The following TMTC1 variants were observed in gnomAD, a reference collection of about 807,000 sequenced individuals.
TMTC1 encodes the protein protein O-mannosyl-transferase TMTC1.
In TMTC1, 73 loss-of-function variants were observed where a neutral mutation model predicts 104.8. The observed-to-expected ratio is 0.70, with a 90% confidence interval of 0.58 to 0.85. The LOEUF is 0.85. Among genes scored for constraint, TMTC1 ranks in the 40% least tolerant of loss-of-function variants. TMTC1 has a pLI of 0.00. For missense variants in TMTC1, 1,035 were observed against 1,096.1 expected (o/e 0.94, Z 0.79); for synonymous variants, 434 against 428.7 (o/e 1.01, Z -0.15).
At chr12:29,711,423 T>C (rs962499362) in intron 5 of TMTC1, among the ~76,000 whole-genome samples, 1 of 152,212 alleles carries the variant, frequency 6.6e-6, no homozygotes, top group Admixed American at 6.5e-5. Flanking sequence ...TTTGCTTTCC[T>C]TTCCTCTTAG....
intron 7 of TMTC1, among the ~76,000 whole-genome samples, chr12:29,585,104 G>T (rs1184185714): frequency 6.7e-6 from 1 of 149,876 alleles, no homozygotes; most frequent in African/African-American, 2.5e-5. Flanking sequence ...AGCACCTGTT[G>T]TTTCCTGACT....
At chr12:29,552,799 T>A (rs1469811114) in intron 10 of TMTC1, among the ~76,000 whole-genome samples, 1 of 152,228 alleles carries the variant, frequency 6.6e-6, no homozygotes, top group Non-Finnish European at 1.5e-5. Context: ...TTTTTAAAGT[T>A]AACTCAATAA....
At chr12:29,689,025 C>T (rs552609054) in intron 5 of TMTC1, among the ~76,000 whole-genome samples, 1 of 152,268 alleles carries the variant, frequency 6.6e-6, no homozygotes, top group South Asian at 2.1e-4. Context: ...ATCCTGTCTT[C>T]AACCCTATTT....
intron 9 of TMTC1, among the ~76,000 whole-genome samples, chr12:29,570,174 A>T (rs1043640728): frequency 2.2e-4 from 34 of 152,348 alleles, no homozygotes; most frequent in African/African-American, 8.2e-4. Flanking sequence ...TAAAATTGAT[A>T]AATAGTAATT....
At chr12:29,520,838 C>G in intron 11 of TMTC1, 118 bp from the exon 12 acceptor site, 1 of 721,974 alleles carries the variant, frequency 1.4e-6, no homozygotes, top group Non-Finnish European at 2.3e-6. Context: ...ACCTAATATA[C>G]AACAGGCTAC....
At chr12:29,752,686 T>C (rs7957615) in intron 4 of TMTC1, among the ~76,000 whole-genome samples, 18,610 of 151,630 alleles carry the variant, frequency 0.12, 2,584 homozygotes, top group African/African-American at 0.35. Flanking sequence ...CAGCTACATA[T>C]ATCAACACTG....
At chr12:29,685,930 TAAAAA>T (rs74950953) in intron 5 of TMTC1, among the ~76,000 whole-genome samples, 61 of 129,196 alleles carry the variant, frequency 4.7e-4, no homozygotes, top group East Asian at 2.4e-3. Context: ...GCAAGATTGT[TAAAAA>T]AAAAAAAAAA....
chr12:29,523,389 G>C (rs1274125806), intron 11 of TMTC1, among the ~76,000 whole-genome samples: 1 of 152,196 alleles, frequency 6.6e-6, no homozygotes. Flanking sequence ...TTACAGCTCA[G>C]TGTTTGTCTC....
chr12:29,765,480 T>C (rs1045338183), intron 2 of TMTC1, among the ~76,000 whole-genome samples: 1 of 152,130 alleles, frequency 6.6e-6, no homozygotes, highest in Non-Finnish European at 1.5e-5. Context: ...ATTACATAGT[T>C]ATGCTTAAAA....
chr12:29,730,924 T>C (rs1393412016), intron 5 of TMTC1, among the ~76,000 whole-genome samples: 1 of 152,188 alleles, frequency 6.6e-6, no homozygotes, highest in African/African-American at 2.4e-5. Context: ...ATCCCTGTTT[T>C]ATGCAAGTCA....
chr12:29,580,836 T>C (rs1945959387), intron 8 of TMTC1, among the ~76,000 whole-genome samples: 1 of 152,146 alleles, frequency 6.6e-6, no homozygotes, highest in South Asian at 2.1e-4. Context: ...TTTAACACTA[T>C]ATTATAATGA....
At chr12:29,707,760 G>A (rs76647886) in intron 5 of TMTC1, among the ~76,000 whole-genome samples, 3,271 of 152,124 alleles carry the variant, frequency 0.022, 53 homozygotes, top group South Asian at 0.046. Flanking sequence ...AGTCTCATCC[G>A]TATGAACCAC....
chr12:29,709,520 T>A (rs1342396374), intron 5 of TMTC1, among the ~76,000 whole-genome samples: 1 of 152,100 alleles, frequency 6.6e-6, no homozygotes, highest in East Asian at 1.9e-4. Flanking sequence ...TACATTTCCA[T>A]GTTCCACTTT....
intron 5 of TMTC1, among the ~76,000 whole-genome samples, chr12:29,667,226 T>C (rs562165095): frequency 6.6e-6 from 1 of 152,308 alleles, no homozygotes; most frequent in Admixed American, 6.5e-5. Flanking sequence ...GCAAAGGCAT[T>C]CCATGGAGGA....
chr12:29,537,118 G>T (rs1336028639), intron 10 of TMTC1, among the ~76,000 whole-genome samples: 5 of 152,110 alleles, frequency 3.3e-5, no homozygotes, highest in African/African-American at 1.2e-4. Flanking sequence ...GATCAAGTTT[G>T]CTATTAATAC....
intron 10 of TMTC1, among the ~76,000 whole-genome samples, chr12:29,539,577 C>T (rs1458462426): frequency 2.0e-5 from 3 of 152,182 alleles, no homozygotes; most frequent in Non-Finnish European, 4.4e-5. Flanking sequence ...TACCCAGGTA[C>T]CCGCTACTCC....
At chr12:29,698,365 T>A (rs901407779) in intron 5 of TMTC1, among the ~76,000 whole-genome samples, 6 of 152,176 alleles carry the variant, frequency 3.9e-5, no homozygotes, top group African/African-American at 1.2e-4. Flanking sequence ...TCCTCTGTGA[T>A]TTTTGCCCTG....
At chr12:29,764,491 G>A (rs1349678761) in intron 2 of TMTC1, among the ~76,000 whole-genome samples, 2 of 152,240 alleles carry the variant, frequency 1.3e-5, no homozygotes, top group Middle Eastern at 3.4e-3. Flanking sequence ...CTGGGCTACA[G>A]GGTCAGACCC....
rs1943881270 is a variant in TMTC1 at position 29,783,398 on chromosome 12, C to T, written c.302+52G>A. 4.0e-6 allele frequency: 5 copies of T among 1,262,018 alleles called. No homozygotes were observed. The South Asian group carries it at 1.4e-4, about 35-fold the overall frequency. The allele number at this position is 1,262,018 out of a possible 1,614,324, so 78.2% of individuals were successfully genotyped here. A position where few individuals can be genotyped will look rare whatever the true frequency, so the allele number is the denominator to read the frequency against. ...CCGCAACTTCTCCCGGTCCGAGGGA[C>T]GGGCGGAGGGTAGAGGAGGCAGCGG... On this transcript the variant is annotated intron_variant, in intron 1 of 17. Transcript: ENST00000539277. The surrounding 1 kb of genome is among the most constrained non-coding windows in gnomAD (Gnocchi z 4.7).
Sources: gnomAD v4.1 joint callset for allele counts (sites outside exome capture counted in the v4.1 genomes callset) on GRCh38, gnomAD v4.1.1 for gene constraint, Gnocchi (gnomAD v3.1) non-coding constraint, MANE v1.5 for transcripts, NCBI Gene and HGNC (gene_info 2026-07-23, HGNC 2026-07-21) for gene names.